MTR: variants seen among roughly 807,000 people sequenced by gnomAD.
The protein encoded by MTR is methionine synthase.
MTR carries 84 observed loss-of-function variants against 154.8 expected under a neutral mutation model. That is an observed-to-expected ratio of 0.54 (90% CI 0.45 to 0.65). The LOEUF (loss-of-function observed/expected upper bound fraction) is 0.65. MTR is among the 30% of genes least tolerant of loss of function. The pLI is 0.00. For missense variants in MTR, 1,275 were observed against 1,570.2 expected (o/e 0.81, Z 3.18); for synonymous variants, 554 against 553.9 (o/e 1.00, Z 0.00).
At chr1:236,825,298 T>G in intron 9 of MTR, 40 bp from the exon 10 acceptor site, 1 of 1,490,592 alleles carries the variant, frequency 6.7e-7, no homozygotes, top group South Asian at 1.1e-5. Flanking sequence ...TGTATATTTT[T>G]AAGGCAATTT....
intron 8 of MTR, among the ~76,000 whole-genome samples, chr1:236,821,583 GT>G (rs1221955865): frequency 2.0e-5 from 3 of 151,924 alleles, no homozygotes; most frequent in Admixed American, 1.3e-4. Context: ...CTAGTTACCA[GT>G]TTTTTTTCTT....
intron 29 of MTR, 47 bp from the exon 30 acceptor site, chr1:236,894,310 T>G: frequency 6.3e-7 from 1 of 1,593,866 alleles, no homozygotes; most frequent in Non-Finnish European, 8.6e-7. Flanking sequence ...GGCGCCACGT[T>G]CTTGCTAACG....
At chr1:236,852,835 G>T in intron 17 of MTR, 113 bp from the exon 18 acceptor site, 1 of 1,314,832 alleles carries the variant, frequency 7.6e-7, no homozygotes, top group South Asian at 1.2e-5. Context: ...GAGTAGCTGT[G>T]ACAGAGGCTA....
intron 18 of MTR, among the ~76,000 whole-genome samples, chr1:236,856,139 C>A (rs1664188529): frequency 6.6e-6 from 1 of 152,106 alleles, no homozygotes; most frequent in Admixed American, 6.5e-5. Flanking sequence ...CCCTTCCCAC[C>A]CCATAAGTCT....
At chr1:236,883,136 T>G (rs563028338) in intron 25 of MTR, among the ~76,000 whole-genome samples, 1 of 152,358 alleles carries the variant, frequency 6.6e-6, no homozygotes, top group South Asian at 2.1e-4. Flanking sequence ...TTTTAAATTA[T>G]AAAATATCTT....
At chr1:236,823,092 A>G (rs1456646014) in intron 8 of MTR, among the ~76,000 whole-genome samples, 2 of 152,170 alleles carry the variant, frequency 1.3e-5, no homozygotes. Context: ...TCAGATTTGC[A>G]GAAGAGTTGC....
chr1:236,848,286 G>T (rs948475983), intron 15 of MTR, among the ~76,000 whole-genome samples: 10 of 152,066 alleles, frequency 6.6e-5, no homozygotes, highest in African/African-American at 2.4e-4. Context: ...ACTTCAACCT[G>T]CCCTGCTTGG....
At position 236,808,764 on chromosome 1, in the gene MTR, C is replaced by G. The variant is rs1661132262; in HGVS notation, c.400C>G (p.Leu134Val). ...CAGAAAAGCTGCCGAGGAGGTAACT[C>G]TCCAGACAGGTAGGGAATGTTCTTC... The part of the protein sequence containing the change: ...VARKAAEEVT[L>V]QTGIKRFVAG... Residue 134 changes from leucine to valine, a missense_variant, in exon 4 of 33, where the codon CTC (leucine) becomes GTC (valine). Leu to Val is a conservative substitution (Grantham distance 32, BLOSUM62 1). Transcript: ENST00000366577. 3 of 1,614,138 alleles carry G rather than the reference C, an allele frequency of 1.9e-6. No individual in the cohort carries two copies. The highest frequency in any genetic ancestry group is 2.5e-6 in the Non-Finnish European group (3 of 1,179,996).
intron 22 of MTR, among the ~76,000 whole-genome samples, chr1:236,865,231 A>G (rs1263549992): frequency 6.6e-6 from 1 of 152,242 alleles, no homozygotes. Context: ...CTTTGCTAAT[A>G]AGTCTAACTG....
At chr1:236,859,787 G>A (rs1260923888) in intron 18 of MTR, 46 bp from the exon 19 acceptor site, 1 of 1,449,142 alleles carries the variant, frequency 6.9e-7, no homozygotes, top group Non-Finnish European at 9.7e-7. Context: ...AAACAGTTTG[G>A]TTAGTGATGA....
intron 31 of MTR, among the ~76,000 whole-genome samples, chr1:236,895,817 T>G (rs1413106340): frequency 1.3e-5 from 2 of 152,252 alleles, no homozygotes; most frequent in African/African-American, 4.8e-5. Context: ...ATGTATACCA[T>G]CCTGTGCCTC....
At chr1:236,805,912 T>A (rs1397228697) in intron 2 of MTR, among the ~76,000 whole-genome samples, 3 of 152,206 alleles carry the variant, frequency 2.0e-5, no homozygotes, top group Non-Finnish European at 4.4e-5. Flanking sequence ...TCTTATAACC[T>A]TAGCATGTTA....
At chr1:236,818,214 A>C (rs1661710806) in intron 8 of MTR, among the ~76,000 whole-genome samples, 1 of 152,264 alleles carries the variant, frequency 6.6e-6, no homozygotes, top group South Asian at 2.1e-4. Context: ...ACCAAGAATG[A>C]ACCCTAATGT....
intron 19 of MTR, 59 bp from the exon 20 acceptor site, chr1:236,861,066 T>C (rs1664506508): frequency 1.4e-6 from 2 of 1,451,424 alleles, no homozygotes; most frequent in Non-Finnish European, 9.2e-7. Context: ...GGCAGTTTTT[T>C]AGGTGATTTT....
chr1:236,799,294 GT>G (rs1553309456), intron 1 of MTR, among the ~76,000 whole-genome samples: 103 of 141,032 alleles, frequency 7.3e-4, no homozygotes, highest in African/African-American at 1.4e-3. Flanking sequence ...GCTAATTTTT[GT>G]TTTTTTTTTT....
At chr1:236,849,260 T>G (rs951580320) in intron 15 of MTR, among the ~76,000 whole-genome samples, 1 of 152,220 alleles carries the variant, frequency 6.6e-6, no homozygotes, top group African/African-American at 2.4e-5. Context: ...TGACAGGCAC[T>G]GCTCAGGGCA....
At chr1:236,869,511 CTT>C (rs1250082458) in intron 22 of MTR, among the ~76,000 whole-genome samples, 2 of 152,310 alleles carry the variant, frequency 1.3e-5, no homozygotes, top group Non-Finnish European at 2.9e-5. Flanking sequence ...CTTCTGAGCA[CTT>C]TAAAACAAAT....
At chr1:236,843,530 C>T (rs569255178) in intron 15 of MTR, among the ~76,000 whole-genome samples, 16 of 152,314 alleles carry the variant, frequency 1.1e-4, no homozygotes, top group South Asian at 2.1e-4. Flanking sequence ...CGAATATGAT[C>T]TGACTTATGT....
rs764902577 is a variant in MTR at position 236,903,242 on chromosome 1, C to T, written c.*5598C>T. The T allele has an allele frequency of 5.3e-5, 8 of 152,220 alleles. No homozygotes were observed. Among genetic ancestry groups the T allele is most frequent in the African/African-American group, 1.7e-4 (7 of 41,466 alleles). The allele number at this position is 152,220 out of a possible 1,614,324, so 9.4% of individuals were successfully genotyped here. ...GGGAACTCATGGTTTGGCTATTTCT[C>T]GTTCTTTCTGCACTGTTTCAAATTT... is the stretch of plus-strand genomic sequence containing the variant. On this transcript the variant is annotated 3_prime_UTR_variant, in exon 33 of 33. Transcript: ENST00000366577.
Sources: allele counts gnomAD v4.1 joint callset (sites outside exome capture counted in the v4.1 genomes callset), GRCh38; gene constraint gnomAD v4.1.1; transcripts MANE v1.5; gene names NCBI Gene and HGNC (gene_info 2026-07-23, HGNC 2026-07-21).